Variants in SUSD4 observed in about 807,000 individuals in gnomAD.
SUSD4 encodes sushi domain-containing protein 4.
In SUSD4, 41 loss-of-function variants were observed where a neutral mutation model predicts 50.5. The ratio of observed to expected loss-of-function variants is 0.81; its 90% CI spans 0.63 to 1.05. The LOEUF (loss-of-function observed/expected upper bound fraction) is 1.05. Among genes scored for constraint, SUSD4 ranks in the 50% least tolerant of loss-of-function variants. SUSD4 has a pLI of 0.00. For missense variants in SUSD4, 580 were observed against 634.7 expected, an observed-to-expected ratio of 0.91 and a Z score of 0.93; for synonymous variants, 257 against 257.3, an observed-to-expected ratio of 1.00 and a Z score of 0.01.
At chr1:223,298,936 G>A (rs1277569519) in intron 2 of SUSD4, among the ~76,000 whole-genome samples, 1 of 152,196 alleles carries the variant, frequency 6.6e-6, no homozygotes, top group Non-Finnish European at 1.5e-5. Flanking sequence ...AATGCTGCCG[G>A]CCATGGGCTC....
chr1:223,226,826 T>C (rs370858496), intron 7 of SUSD4, among the ~76,000 whole-genome samples: 10 of 152,356 alleles, frequency 6.6e-5, no homozygotes, highest in East Asian at 5.8e-4. Flanking sequence ...CTGTGGTGTT[T>C]TGCTGTCCTC....
chr1:223,286,001 C>T (rs1664111240), intron 3 of SUSD4, among the ~76,000 whole-genome samples: 1 of 152,184 alleles, frequency 6.6e-6, no homozygotes. Flanking sequence ...AAGTTAAAAA[C>T]AAAAAGTCCG....
At position 223,251,325 on chromosome 1, in the gene SUSD4, T is replaced by C. The variant is rs79218098; in HGVS notation, c.724+13305A>G. ...AGGTGTGTCACATGGCAAGAGTGGG[T>C]TCCAGACATGGGAGGAAATACCACA... is the stretch of plus-strand genomic sequence containing the variant. On this transcript the variant is annotated intron_variant, in intron 5 of 8. Coordinates refer to ENST00000366878, the MANE Select transcript of SUSD4 (RefSeq NM_017982.4). 9.2e-5 allele frequency among the ~76,000 whole-genome samples: 14 copies of C among 152,088 alleles called. No individual in the cohort carries two copies. The East Asian group carries it at 2.7e-3, about 30-fold the overall frequency.
chr1:223,227,111 T>C lies in SUSD4; in HGVS notation c.1061+483A>G, dbSNP rs1369687531. 6.6e-6 allele frequency among the ~76,000 whole-genome samples: 1 copy of C among 152,192 alleles called. No individual in the cohort carries two copies. The highest frequency in any genetic ancestry group is 6.5e-5 in the Admixed American group (1 of 15,278). On this transcript the variant is annotated intron_variant, in intron 7 of 8. Coordinates refer to ENST00000366878, the MANE Select transcript of SUSD4 (RefSeq NM_017982.4). This position sits in a 1 kb window ranked among gnomAD's most constrained non-coding sequence, Gnocchi z 4.5. ...AGACTCTCACTAGCCCTTTCCTGATTGCTCCTGGAATCAGAAAAGTCTTTT... is the reference window on the plus strand; with the variant it reads ...AGACTCTCACTAGCCCTTTCCTGATCGCTCCTGGAATCAGAAAAGTCTTTT...
intron 3 of SUSD4, among the ~76,000 whole-genome samples, chr1:223,290,692 A>C (rs1664433863): frequency 6.6e-6 from 1 of 152,152 alleles, no homozygotes; most frequent in Non-Finnish European, 1.5e-5. Context: ...AAGTAGAGAA[A>C]AAAAAAAGAA....
At chr1:223,228,844 G>T (rs1224547684) in intron 6 of SUSD4, among the ~76,000 whole-genome samples, 7 of 151,782 alleles carry the variant, frequency 4.6e-5, no homozygotes, top group African/African-American at 7.3e-5. Flanking sequence ...GAGGCTGGAG[G>T]TCTTTCCATG....
At position 223,229,292 on chromosome 1, in the gene SUSD4, C is replaced by A; in HGVS notation, c.821G>T (p.Cys274Phe). 6.2e-7 allele frequency: 1 copy of A among 1,613,402 alleles called. No homozygotes were observed. Among genetic ancestry groups the A allele is most frequent in the Non-Finnish European group, 8.5e-7 (1 of 1,179,460 alleles). The change falls in exon 6 of 9, where the codon TGC (cysteine) becomes TTC (phenylalanine). Residue 274 changes from cysteine (C) to phenylalanine (F), a missense_variant. By Grantham distance (205) the Cys-to-Phe change is radical. Coordinates refer to ENST00000366878, the MANE Select transcript of SUSD4 (RefSeq NM_017982.4). The surrounding 1 kb of genome is among the most constrained non-coding windows in gnomAD (Gnocchi z 4.7). ...GCTGGTGAGGCTGTAGCCAGGATCG[C>A]AGTAAAACTCCACCACAGTTCCGTG... ...YNHGTVVEFY[C>F]DPGYSLTSDY...
chr1:223,337,709 A>G (rs1423012618), intron 2 of SUSD4, among the ~76,000 whole-genome samples: 1 of 152,222 alleles, frequency 6.6e-6, no homozygotes, highest in Non-Finnish European at 1.5e-5. Flanking sequence ...TGCCCACTGC[A>G]TAGTCACCGA....
chr1:223,333,581 G>A (rs137893832), intron 2 of SUSD4, among the ~76,000 whole-genome samples: 170 of 152,298 alleles, frequency 1.1e-3, no homozygotes, highest in African/African-American at 3.8e-3. Context: ...TGCAAAAGAC[G>A]TCTCTGCTTC....
chr1:223,311,765 T>A (rs962885832), intron 2 of SUSD4, among the ~76,000 whole-genome samples: 19 of 152,206 alleles, frequency 1.2e-4, no homozygotes, highest in African/African-American at 4.3e-4. Flanking sequence ...TTCTCTAGTG[T>A]CGAAATGCAG....
chr1:223,264,925 T>C, intron 4 of SUSD4, 107 bp from the exon 5 acceptor site: 1 of 1,160,166 alleles, frequency 8.6e-7, no homozygotes, highest in South Asian at 1.6e-5. Context: ...CCTCTGAAGG[T>C]GAAAATGGCA....
At chr1:223,235,394 TCA>T (rs1660152571) in intron 5 of SUSD4, among the ~76,000 whole-genome samples, 1 of 152,174 alleles carries the variant, frequency 6.6e-6, no homozygotes, top group South Asian at 2.1e-4. Context: ...ACATTAGGGT[TCA>T]CTCTTGGTGT....
chr1:223,282,130 T>C (rs1411382672), intron 3 of SUSD4, among the ~76,000 whole-genome samples: 3 of 152,166 alleles, frequency 2.0e-5, no homozygotes, highest in Non-Finnish European at 4.4e-5. Context: ...ACAGCCAATA[T>C]CATACTGAAT....
chr1:223,241,479 T>C (rs1168709756), intron 5 of SUSD4, among the ~76,000 whole-genome samples: 2 of 152,240 alleles, frequency 1.3e-5, no homozygotes, highest in African/African-American at 4.8e-5. Flanking sequence ...TCCACTCAGG[T>C]AAGCCGTGAC....
At chr1:223,353,482 C>T (rs975161965) in intron 2 of SUSD4, among the ~76,000 whole-genome samples, 2 of 152,148 alleles carry the variant, frequency 1.3e-5, no homozygotes, top group African/African-American at 4.8e-5. Context: ...AGTCTTATGG[C>T]CCCTGATTTA....
At chr1:223,341,434 G>A (rs1667750143) in intron 2 of SUSD4, among the ~76,000 whole-genome samples, 1 of 152,164 alleles carries the variant, frequency 6.6e-6, no homozygotes. Context: ...AGCAGAGCCT[G>A]GAGAGGGTCC....
At chr1:223,289,080 C>T in intron 3 of SUSD4, 1 of 985,356 alleles carries the variant, frequency 1.0e-6, no homozygotes. Context: ...AAGGAAGCGG[C>T]CAGATGGTGG....
intron 2 of SUSD4, among the ~76,000 whole-genome samples, chr1:223,298,739 AATG>A (rs1156748926): frequency 6.6e-6 from 1 of 152,234 alleles, no homozygotes; most frequent in Non-Finnish European, 1.5e-5. Flanking sequence ...CTGATAAATA[AATG>A]ATGAGAGTTT....
In SUSD4 at chr1:223,268,564, A is replaced by T. The variant is rs1362791740; in HGVS notation, c.473T>A (p.Leu158Gln). ...GCGACATAATGAAACCATATTGTGTAGGTCGGGGTACCGGATCTTGAATCC... is the reference window on the plus strand; with the variant it reads ...GCGACATAATGAAACCATATTGTGTTGGTCGGGGTACCGGATCTTGAATCC... The part of the protein sequence containing the change: ...HEGFKIRYPD[L>Q]HNMVSLCRDD... Residue 158 changes from leucine to glutamine, a missense_variant, in exon 4 of 9, where the codon CTA becomes CAA. Physicochemically the swap from Leu to Gln is moderately radical, Grantham distance 113 (BLOSUM62 -2). Transcript: ENST00000366878. 1.9e-6 allele frequency: 3 copies of T among 1,614,070 alleles called. No individual in the cohort carries two copies. The African/African-American group carries it at 4.0e-5, about 22-fold the overall frequency.
Sources: allele counts gnomAD v4.1 joint callset (sites outside exome capture counted in the v4.1 genomes callset), GRCh38; gene constraint gnomAD v4.1.1; non-coding constraint Gnocchi (gnomAD v3.1); transcripts MANE v1.5; gene names NCBI Gene and HGNC (gene_info 2026-07-23, HGNC 2026-07-21).